The following PRKCQ variants were observed in gnomAD, a reference collection of about 807,000 sequenced individuals.
PRKCQ encodes the protein protein kinase C theta type.
Under a neutral mutation model 91.2 loss-of-function variants are expected in PRKCQ, and 41 were observed. The observed-to-expected ratio is 0.45, with a 90% CI of 0.35 to 0.58. PRKCQ has a LOEUF of 0.58. Ranked by LOEUF, PRKCQ falls within the 20% of genes least tolerant of loss-of-function variation. The pLI is 0.00. For synonymous variants in PRKCQ, 307 were observed against 316.9 expected, an observed-to-expected ratio of 0.97 and a Z score of 0.33; for missense variants, 673 against 896.5, an observed-to-expected ratio of 0.75 and a Z score of 3.18.
chr10:6,527,678 A>T (rs1202528979), intron 1 of PRKCQ, among the ~76,000 whole-genome samples: 1 of 152,088 alleles, frequency 6.6e-6, no homozygotes. Flanking sequence ...CGGTCACTTC[A>T]CAACCCTGTG....
chr10:6,526,959 G>T (rs1310565376), intron 1 of PRKCQ, among the ~76,000 whole-genome samples: 1 of 152,102 alleles, frequency 6.6e-6, no homozygotes, highest in Non-Finnish European at 1.5e-5. Flanking sequence ...CAGCGTGCAG[G>T]GATTCCGATA....
chr10:6,548,256 G>A (rs1292023970), intron 1 of PRKCQ, among the ~76,000 whole-genome samples: 1 of 151,148 alleles, frequency 6.6e-6, no homozygotes, highest in Non-Finnish European at 1.5e-5. Flanking sequence ...AGGATGTGGA[G>A]AAATAGGAAC....
chr10:6,412,567 G>C, the PRKCQ span, among the ~76,000 whole-genome samples: 1 of 152,160 alleles, frequency 6.6e-6, no homozygotes, highest in Admixed American at 6.5e-5. Context: ...ATCATAACAG[G>C]TGATATTCAA....
At chr10:6,471,358 G>A (rs1222966805) in intron 12 of PRKCQ, among the ~76,000 whole-genome samples, 1 of 152,218 alleles carries the variant, frequency 6.6e-6, no homozygotes, top group Non-Finnish European at 1.5e-5. Flanking sequence ...GGTCACGTAA[G>A]CTGAGAAGCC....
chr10:6,432,873 A>G (rs1833490479), intron 16 of PRKCQ, among the ~76,000 whole-genome samples: 5 of 152,006 alleles, frequency 3.3e-5, no homozygotes, highest in African/African-American at 9.7e-5. Flanking sequence ...CCATCTTGCC[A>G]TGAGATACCC....
intron 4 of PRKCQ, among the ~76,000 whole-genome samples, chr10:6,500,250 C>T (rs527254346): frequency 1.3e-5 from 2 of 151,978 alleles, no homozygotes; most frequent in East Asian, 1.9e-4. Context: ...TGACTTGTTT[C>T]TATTTTGGTC....
intron 1 of PRKCQ, among the ~76,000 whole-genome samples, chr10:6,536,625 T>C (rs1839593292): frequency 1.3e-5 from 2 of 152,310 alleles, no homozygotes; most frequent in African/African-American, 2.4e-5. Context: ...CTCCAGCCAG[T>C]TCTCCCTGTT....
chr10:6,513,453 A>T (rs1271726329), intron 2 of PRKCQ, among the ~76,000 whole-genome samples: 2 of 151,026 alleles, frequency 1.3e-5, no homozygotes, highest in Non-Finnish European at 3.0e-5. Context: ...AATGCAAAAA[A>T]AAAAAAAAAA....
Position 6,511,157 on chromosome 10 carries a change from C to T in PRKCQ, c.156G>A (p.Met52Ile). Residue 52 changes from methionine (M) to isoleucine (I), a missense_variant, in exon 3 of 18, where the codon ATG becomes ATA. Met to Ile is a conservative substitution (Grantham distance 10). Transcript: ENST00000263125. ...GQMYIQKKPTMYPPWDSTFDA... is the reference protein window; with the variant it reads ...GQMYIQKKPTIYPPWDSTFDA... Reference sequence around the variant, plus strand: ...CAAAAGTGCTGTCCCAGGGTGGGTACATGGTAGGCTTTTTCTGGATATACA... The same window carrying T: ...CAAAAGTGCTGTCCCAGGGTGGGTATATGGTAGGCTTTTTCTGGATATACA... 2.5e-6 allele frequency: 4 copies of T among 1,614,086 alleles called. No individual in the cohort carries two copies. The highest frequency in any genetic ancestry group is 3.4e-6 in the Non-Finnish European group (4 of 1,179,998).
intron 8 of PRKCQ, among the ~76,000 whole-genome samples, chr10:6,489,894 C>A (rs558960299): frequency 6.6e-6 from 1 of 152,032 alleles, no homozygotes; most frequent in African/African-American, 2.4e-5. Flanking sequence ...TAAGCTGTGC[C>A]GCGGCGCTGC....
intron 14 of PRKCQ, among the ~76,000 whole-genome samples, chr10:6,461,200 C>A (rs1000331652): frequency 6.6e-6 from 1 of 151,914 alleles, no homozygotes; most frequent in African/African-American, 2.4e-5. Flanking sequence ...TTTGTCCATC[C>A]ATTCAACCAT....
chr10:6,476,832 C>A (rs532979290), intron 12 of PRKCQ, among the ~76,000 whole-genome samples: 1 of 152,138 alleles, frequency 6.6e-6, no homozygotes, highest in East Asian at 1.9e-4. Context: ...GACAACAGTA[C>A]GGAGAGGGTG....
chr10:6,424,104 A>C (rs192676385), downstream of PRKCQ, among the ~76,000 whole-genome samples: 30 of 152,252 alleles, frequency 2.0e-4, no homozygotes, highest in African/African-American at 6.7e-4. Context: ...GTAAACAAGC[A>C]AAATTCTCGG....
At chr10:6,504,300 G>A (rs955367396) in intron 4 of PRKCQ, among the ~76,000 whole-genome samples, 4 of 152,162 alleles carry the variant, frequency 2.6e-5, no homozygotes, top group Admixed American at 6.5e-5. Flanking sequence ...TTGAGTAAGA[G>A]AAAGTATATT....
chr10:6,556,585 G>A (rs1840427055), intron 1 of PRKCQ, among the ~76,000 whole-genome samples: 1 of 151,834 alleles, frequency 6.6e-6, no homozygotes. Flanking sequence ...TTCTGCTTGG[G>A]TCATGAAAAC....
intron 1 of PRKCQ, among the ~76,000 whole-genome samples, chr10:6,579,649 CTTTTTTTT>C (rs5782914): frequency 7.6e-6 from 1 of 131,994 alleles, no homozygotes; most frequent in Non-Finnish European, 1.6e-5. Flanking sequence ...GCAGATTTTT[CTTTTTTTT>C]TTTTTTTTGG....
intron 12 of PRKCQ, among the ~76,000 whole-genome samples, chr10:6,478,589 C>A (rs1298846773): frequency 6.6e-6 from 1 of 152,106 alleles, no homozygotes; most frequent in Non-Finnish European, 1.5e-5. Flanking sequence ...TTTCTGCCAG[C>A]CTTGAAGAGA....
intron 1 of PRKCQ, among the ~76,000 whole-genome samples, chr10:6,541,697 T>C (rs894881432): frequency 6.6e-6 from 1 of 152,228 alleles, no homozygotes; most frequent in Non-Finnish European, 1.5e-5. Context: ...TTTTTATCTT[T>C]TTTTTAACAA....
intron 16 of PRKCQ, among the ~76,000 whole-genome samples, chr10:6,440,903 G>A (rs988852857): frequency 1.1e-4 from 17 of 152,072 alleles, no homozygotes; most frequent in East Asian, 5.8e-4. Context: ...CAGGAGAATC[G>A]CTTTAACCTG....
Sources: gnomAD v4.1 joint callset for allele counts (sites outside exome capture counted in the v4.1 genomes callset) on GRCh38, gnomAD v4.1.1 for gene constraint, MANE v1.5 for transcripts, NCBI Gene and HGNC (gene_info 2026-07-23, HGNC 2026-07-21) for gene names.